Variants in CFAP299 observed in about 807,000 individuals in gnomAD.
CFAP299 encodes cilia and flagella associated protein 299.
In CFAP299, 21 loss-of-function variants were observed where a neutral mutation model predicts 27.0. The ratio of observed to expected loss-of-function variants is 0.78; its 90% CI spans 0.55 to 1.12. CFAP299 has a LOEUF of 1.12. Ranked by LOEUF, CFAP299 falls within the 50% of genes most tolerant of loss-of-function variation. CFAP299 has a pLI of 0.00. For synonymous variants in CFAP299, 104 were observed against 98.1 expected, an observed-to-expected ratio of 1.06 and a Z score of -0.36; for missense variants, 310 against 276.6, an observed-to-expected ratio of 1.12 and a Z score of -0.86.
chr4:80,412,678 G>A (rs1411002764), intron 2 of CFAP299, among the ~76,000 whole-genome samples: 1 of 152,132 alleles, frequency 6.6e-6, no homozygotes, highest in African/African-American at 2.4e-5. Flanking sequence ...TTTGCTCACT[G>A]AGGATGCTGA....
chr4:80,933,760 G>T (rs1736749685), intron 4 of CFAP299, among the ~76,000 whole-genome samples: 1 of 151,892 alleles, frequency 6.6e-6, no homozygotes, highest in Admixed American at 6.6e-5. Context: ...AAATGCAACA[G>T]AACTTTTATT....
chr4:80,856,975 A>T (rs1731943860), intron 3 of CFAP299, among the ~76,000 whole-genome samples: 1 of 151,886 alleles, frequency 6.6e-6, no homozygotes, highest in Non-Finnish European at 1.5e-5. Context: ...ATGGCATTGA[A>T]TCTGTAAATT....
At chr4:80,469,117 A>T (rs540560745) in intron 2 of CFAP299, among the ~76,000 whole-genome samples, 1 of 152,350 alleles carries the variant, frequency 6.6e-6, no homozygotes, top group Non-Finnish European at 1.5e-5. Flanking sequence ...TGTGGTCCTT[A>T]ATCAGCAGCA....
At chr4:80,698,017 T>A (rs1239403819) in intron 3 of CFAP299, among the ~76,000 whole-genome samples, 3 of 152,202 alleles carry the variant, frequency 2.0e-5, no homozygotes, top group Admixed American at 2.0e-4. Flanking sequence ...ATGTTTAAAC[T>A]GAAGTAATAT....
At chr4:80,843,438 C>T (rs1387567781) in intron 3 of CFAP299, among the ~76,000 whole-genome samples, 2 of 152,188 alleles carry the variant, frequency 1.3e-5, no homozygotes, top group African/African-American at 2.4e-5. Context: ...CATAGTATTC[C>T]GTGGTGTATA....
intron 3 of CFAP299, among the ~76,000 whole-genome samples, chr4:80,637,793 C>T (rs1442974360): frequency 6.6e-6 from 1 of 152,144 alleles, no homozygotes; most frequent in African/African-American, 2.4e-5. Flanking sequence ...CTATCATGTC[C>T]TTCAAAAACT....
intron 3 of CFAP299, among the ~76,000 whole-genome samples, chr4:80,653,055 T>C (rs1271555794): frequency 1.3e-5 from 2 of 152,180 alleles, no homozygotes; most frequent in African/African-American, 4.8e-5. Flanking sequence ...CCTGCTTTTG[T>C]TGTCTGCTTA....
chr4:80,860,409 G>C (rs185212800), intron 3 of CFAP299, among the ~76,000 whole-genome samples: 5 of 152,050 alleles, frequency 3.3e-5, no homozygotes, highest in African/African-American at 4.8e-5. Flanking sequence ...CTCTCAACTC[G>C]TCAAAGTCAT....
upstream of CFAP299, among the ~76,000 whole-genome samples, chr4:80,334,345 C>A (rs1191148214): frequency 6.6e-6 from 1 of 152,146 alleles, no homozygotes; most frequent in Non-Finnish European, 1.5e-5. Flanking sequence ...AGATGCTTTA[C>A]TGTTTCTTAA....
intron 5 of CFAP299, among the ~76,000 whole-genome samples, chr4:80,960,088 A>C (rs1738270195): frequency 6.6e-6 from 1 of 151,586 alleles, no homozygotes; most frequent in Admixed American, 6.6e-5. Flanking sequence ...TTTGTTATCT[A>C]TCTAGGCAGA....
chr4:80,932,750 G>T (rs1366487169), intron 4 of CFAP299, among the ~76,000 whole-genome samples: 1 of 152,158 alleles, frequency 6.6e-6, no homozygotes, highest in Non-Finnish European at 1.5e-5. Flanking sequence ...CGCTAATTCA[G>T]CAGTGTTTAA....
At chr4:80,961,098 GAA>G (rs769804321) in intron 5 of CFAP299, among the ~76,000 whole-genome samples, 2 of 142,666 alleles carry the variant, frequency 1.4e-5, no homozygotes, top group African/African-American at 5.1e-5. Context: ...CTTGTTAAAA[GAA>G]AAAAAAAACA....
At chr4:80,359,456 A>G (rs185597441) in intron 1 of CFAP299, among the ~76,000 whole-genome samples, 74 of 152,230 alleles carry the variant, frequency 4.9e-4, no homozygotes, top group African/African-American at 1.7e-3. Context: ...AGGGACACCA[A>G]TGAGTCCATA....
chr4:80,712,910 C>A (rs1351059576), intron 3 of CFAP299, among the ~76,000 whole-genome samples: 1 of 152,112 alleles, frequency 6.6e-6, no homozygotes, highest in Non-Finnish European at 1.5e-5. Context: ...TTCCTCATCT[C>A]TCTTAGTGGA....
intron 3 of CFAP299, among the ~76,000 whole-genome samples, chr4:80,806,841 A>G (rs966039060): frequency 1.1e-4 from 16 of 152,188 alleles, no homozygotes; most frequent in African/African-American, 3.9e-4. Context: ...GAAATTAAGA[A>G]AAGCTAAATC....
intron 3 of CFAP299, among the ~76,000 whole-genome samples, chr4:80,796,038 T>A (rs1013039297): frequency 1.3e-5 from 2 of 152,160 alleles, no homozygotes; most frequent in Admixed American, 6.5e-5. Flanking sequence ...CCTGGACCTA[T>A]TGCAGTGCCT....
At chr4:80,751,198 G>A (rs1466252669) in intron 3 of CFAP299, among the ~76,000 whole-genome samples, 3 of 151,974 alleles carry the variant, frequency 2.0e-5, no homozygotes, top group Non-Finnish European at 2.9e-5. Context: ...GGTTTTCCTG[G>A]GAGAGACCCT....
chr4:80,564,984 A>C (rs1735210574), intron 2 of CFAP299, among the ~76,000 whole-genome samples: 1 of 152,060 alleles, frequency 6.6e-6, no homozygotes, highest in Admixed American at 6.6e-5. Context: ...GAAAACTATG[A>C]AACACTGATT....
chr4:80,737,577 T>C (rs1202248157), intron 3 of CFAP299, among the ~76,000 whole-genome samples: 1 of 152,114 alleles, frequency 6.6e-6, no homozygotes, highest in Non-Finnish European at 1.5e-5. Context: ...TGGCATTTAG[T>C]TGCTCATAGT....
Sources: allele counts gnomAD v4.1 joint callset (sites outside exome capture counted in the v4.1 genomes callset), GRCh38; gene constraint gnomAD v4.1.1; transcripts MANE v1.5; gene names NCBI Gene and HGNC (gene_info 2026-07-23, HGNC 2026-07-21).